CRTC3: variants seen among roughly 807,000 people sequenced by gnomAD.
The protein encoded by CRTC3 is CREB-regulated transcription coactivator 3.
In CRTC3, 26 loss-of-function variants were observed where a neutral mutation model predicts 74.5. That is an observed-to-expected ratio of 0.35 (90% confidence interval 0.26 to 0.48). CRTC3 has a LOEUF of 0.48. Ranked by LOEUF, CRTC3 falls within the 20% of genes least tolerant of loss-of-function variation. CRTC3 has a pLI of 0.99. For missense variants in CRTC3, 760 were observed against 787.3 expected, an observed-to-expected ratio of 0.97 and a Z score of 0.41; for synonymous variants, 377 against 325.8, an observed-to-expected ratio of 1.16 and a Z score of -1.69.
rs1969583523 is a variant in CRTC3, at chr15:90,645,247, T to C, written c.*3107T>C. On this transcript the variant is annotated 3_prime_UTR_variant, in exon 15 of 15. Transcript: ENST00000268184. Reference sequence around the variant, plus strand: ...CCCCAGGGCACCCTGTTCAACCATATTTAAAAATTGGAATTTGTATAAAGT... The same window carrying C: ...CCCCAGGGCACCCTGTTCAACCATACTTAAAAATTGGAATTTGTATAAAGT... 1 of 225,836 alleles carries C rather than the reference T, an allele frequency of 4.4e-6. No individual in the cohort carries two copies. Among genetic ancestry groups the C allele is most frequent in the Non-Finnish European group, 8.8e-6 (1 of 113,284 alleles). 14.0% of individuals were successfully genotyped at this position (225,836 alleles called of 1,614,324 possible).
chr15:90,633,550 T>A (rs1969120051), intron 11 of CRTC3, among the ~76,000 whole-genome samples: 1 of 152,194 alleles, frequency 6.6e-6, no homozygotes, highest in Non-Finnish European at 1.5e-5. Context: ...GCTTGTGAGA[T>A]CTTTTTGTCC....
intron 2 of CRTC3, among the ~76,000 whole-genome samples, chr15:90,549,989 C>T (rs960365780): frequency 1.1e-4 from 16 of 149,424 alleles, no homozygotes; most frequent in Admixed American, 3.3e-4. Flanking sequence ...CAGGCGTGAG[C>T]CACCACACCT....
In CRTC3 at chr15:90,562,425, C is replaced by G. The variant is rs575793438; in HGVS notation, c.231+22288C>G. On this transcript the variant is annotated intron_variant, in intron 2 of 14. Coordinates refer to ENST00000268184, the MANE Select transcript of CRTC3 (RefSeq NM_022769.5). ...AGTCAGGACTCAAACCCAGGTTTATCTTTCTCGGGCCTTTGCTCTTATTTT... is the reference window on the plus strand; with the variant it reads ...AGTCAGGACTCAAACCCAGGTTTATGTTTCTCGGGCCTTTGCTCTTATTTT... 5.9e-5 allele frequency among the ~76,000 whole-genome samples: 9 copies of G among 152,308 alleles called. No individual in the cohort carries two copies. The South Asian group carries it at 1.9e-3, about 32-fold the overall frequency.
chr15:90,579,100 T>G (rs1036656620), intron 2 of CRTC3, among the ~76,000 whole-genome samples: 4 of 152,222 alleles, frequency 2.6e-5, no homozygotes, highest in Non-Finnish European at 5.9e-5. Flanking sequence ...ACATGTTTTT[T>G]CTTTGTCATT....
chr15:90,569,037 G>C (rs1018641466), intron 2 of CRTC3, among the ~76,000 whole-genome samples: 3 of 149,798 alleles, frequency 2.0e-5, no homozygotes, highest in Non-Finnish European at 3.0e-5. Context: ...CGGTCACCCA[G>C]GCGAGAGTGC....
intron 2 of CRTC3, among the ~76,000 whole-genome samples, chr15:90,550,448 G>GTTTTTTTT (rs34296183): frequency 7.0e-6 from 1 of 142,738 alleles, no homozygotes; most frequent in Non-Finnish European, 1.5e-5. Flanking sequence ...TCCTTTGCCT[G>GTTTTTTTT]TTTTTTTTTT....
chr15:90,586,353 G>A (rs957187644), intron 2 of CRTC3, among the ~76,000 whole-genome samples: 4 of 146,058 alleles, frequency 2.7e-5, no homozygotes, highest in Non-Finnish European at 1.5e-5. Flanking sequence ...TTAAAACTTG[G>A]TAGAACTTCT....
intron 3 of CRTC3, 36 bp downstream of exon 3, chr15:90,593,791 C>G (rs2151078002): frequency 6.4e-7 from 1 of 1,553,262 alleles, no homozygotes; most frequent in African/African-American, 1.4e-5. Context: ...AGTGTGCATT[C>G]TGAAATGTTT....
chr15:90,607,524 C>A, intron 6 of CRTC3, 46 bp downstream of exon 6: 1 of 1,230,364 alleles, frequency 8.1e-7, no homozygotes, highest in Non-Finnish European at 1.2e-6. Context: ...CTTGCTCATT[C>A]TGTCCTAGGA....
intron 9 of CRTC3, among the ~76,000 whole-genome samples, chr15:90,623,065 G>A (rs961931034): frequency 3.7e-4 from 57 of 152,044 alleles, no homozygotes; most frequent in Middle Eastern, 3.4e-3. Context: ...TGATTCCCCC[G>A]TCACCACCCT....
intron 2 of CRTC3, among the ~76,000 whole-genome samples, chr15:90,579,911 G>C (rs1779719937): frequency 6.6e-6 from 1 of 151,776 alleles, no homozygotes; most frequent in African/African-American, 2.4e-5. Flanking sequence ...CAAAGTGCTG[G>C]GATTACAGGC....
At chr15:90,566,366 A>C (rs1967121978) in intron 2 of CRTC3, among the ~76,000 whole-genome samples, 1 of 151,984 alleles carries the variant, frequency 6.6e-6, no homozygotes, top group Non-Finnish European at 1.5e-5. Context: ...CCTGGCCAAT[A>C]TTGTGAAACC....
chr15:90,591,118 C>T, intron 2 of CRTC3, among the ~76,000 whole-genome samples: 1 of 94,342 alleles, frequency 1.1e-5, no homozygotes, highest in East Asian at 3.0e-4. Flanking sequence ...CCACGCCCCA[C>T]TATTTTTTTT....
At chr15:90,544,232 T>G (rs1393362151) in intron 2 of CRTC3, among the ~76,000 whole-genome samples, 1 of 152,238 alleles carries the variant, frequency 6.6e-6, no homozygotes, top group Non-Finnish European at 1.5e-5. Flanking sequence ...TCTCTGCCTC[T>G]GTCATCACAC....
At chr15:90,580,582 A>C (rs1174021803) in intron 2 of CRTC3, among the ~76,000 whole-genome samples, 1 of 151,680 alleles carries the variant, frequency 6.6e-6, no homozygotes, top group Non-Finnish European at 1.5e-5. Context: ...CACGTGCATG[A>C]CCACACCCAG....
intron 2 of CRTC3, among the ~76,000 whole-genome samples, chr15:90,550,927 AGAAGCTTACG>A (rs993480772): frequency 6.6e-6 from 1 of 152,084 alleles, no homozygotes; most frequent in Non-Finnish European, 1.5e-5. Context: ...CAAGCAGGTG[AGAAGCTTACG>A]GAATGAAACA....
intron 2 of CRTC3, among the ~76,000 whole-genome samples, chr15:90,568,837 T>C (rs1325179388): frequency 6.6e-6 from 1 of 152,150 alleles, no homozygotes; most frequent in Non-Finnish European, 1.5e-5. Context: ...CAAGACCCTC[T>C]ACTAGGAAAA....
chr15:90,615,079 TAAATA>T (rs1275970850), intron 7 of CRTC3, among the ~76,000 whole-genome samples: 13 of 152,002 alleles, frequency 8.6e-5, no homozygotes, highest in South Asian at 2.1e-4. Context: ...AATAAATAAA[TAAATA>T]AATAAATTAA....
chr15:90,529,957 G>C lies in CRTC3; in HGVS notation c.-115G>C. On this transcript the variant is annotated 5_prime_UTR_variant, in exon 1 of 15. Transcript: ENST00000268184. ...GCCGCGGCGGCTCCTCTGCCGGGTC[G>C]CGCCGGACGACTGGCTTCGGGCGGC... is the stretch of plus-strand genomic sequence containing the variant. 1.2e-6 allele frequency: 1 copy of C among 827,408 alleles called. No individual in the cohort carries two copies. The highest frequency in any genetic ancestry group is 1.5e-6 in the Non-Finnish European group (1 of 663,448). 51.3% of individuals were successfully genotyped at this position (827,408 alleles called of 1,614,324 possible). A position where few individuals can be genotyped will look rare whatever the true frequency, so the allele number is the denominator to read the frequency against.
Sources: allele counts gnomAD v4.1 joint callset (sites outside exome capture counted in the v4.1 genomes callset), GRCh38; gene constraint gnomAD v4.1.1; transcripts MANE v1.5; gene names NCBI Gene and HGNC (gene_info 2026-07-23, HGNC 2026-07-21).